The following DISC1 variants were observed in gnomAD, a reference collection of about 807,000 sequenced individuals.
DISC1 encodes DISC1 scaffold protein.
In DISC1, 57 loss-of-function variants were observed where a neutral mutation model predicts 84.5. The observed-to-expected ratio is 0.67, with a 90% CI of 0.55 to 0.84. The LOEUF (loss-of-function observed/expected upper bound fraction) is 0.84, where lower values mean the gene tolerates loss of function less well. DISC1 is among the 40% of genes least tolerant of loss of function. The probability of loss-of-function intolerance (pLI) is 0.00; values close to 1 mark genes in which losing one functional copy is unlikely to be tolerated. For missense variants in DISC1, 1,000 were observed against 1,057.8 expected (o/e 0.95, Z 0.76); for synonymous variants, 411 against 415.2 (o/e 0.99, Z 0.12).
intron 10 of DISC1, among the ~76,000 whole-genome samples, chr1:231,983,598 T>G (rs1572480981): frequency 1.0e-4 from 4 of 38,566 alleles, no homozygotes; most frequent in Non-Finnish European, 2.0e-4. Context: ...GGTGGGGCAG[T>G]AGGGGAGAGG....
At chr1:231,971,236 G>T (rs1370933622) in intron 10 of DISC1, among the ~76,000 whole-genome samples, 1 of 152,136 alleles carries the variant, frequency 6.6e-6, no homozygotes, top group Non-Finnish European at 1.5e-5. Context: ...AACCCCAGTA[G>T]GTAGATAACA....
chr1:231,637,850 A>G (rs1319317781), intron 1 of DISC1, among the ~76,000 whole-genome samples: 1 of 152,228 alleles, frequency 6.6e-6, no homozygotes, highest in African/African-American at 2.4e-5. Flanking sequence ...TCCTTTGGGT[A>G]GATACACAAT....
At chr1:231,749,494 C>T (rs147367795) in intron 3 of DISC1, among the ~76,000 whole-genome samples, 4 of 152,216 alleles carry the variant, frequency 2.6e-5, no homozygotes, top group African/African-American at 9.6e-5. Flanking sequence ...CTGTGACTGG[C>T]TCTATCTGGA....
chr1:232,015,231 C>T (rs1205864409), intron 11 of DISC1, among the ~76,000 whole-genome samples: 1 of 152,124 alleles, frequency 6.6e-6, no homozygotes, highest in Non-Finnish European at 1.5e-5. Context: ...GCTGGCTTCT[C>T]CTTCTTTCGG....
At chr1:231,664,532 T>A (rs1228991896) in intron 1 of DISC1, among the ~76,000 whole-genome samples, 2 of 152,066 alleles carry the variant, frequency 1.3e-5, no homozygotes, top group Non-Finnish European at 2.9e-5. Flanking sequence ...AATCATAGGG[T>A]GCTCATAAAG....
intron 11 of DISC1, among the ~76,000 whole-genome samples, chr1:232,011,566 G>A (rs1016498330): frequency 9.2e-5 from 14 of 152,148 alleles, no homozygotes; most frequent in South Asian, 2.1e-4. Flanking sequence ...AAATTATGGG[G>A]CCAGAAAACA....
intron 10 of DISC1, among the ~76,000 whole-genome samples, chr1:231,986,633 C>T (rs1325998943): frequency 1.3e-5 from 2 of 152,184 alleles, no homozygotes. Flanking sequence ...TGTCTTTCTG[C>T]TGCCTTGAAA....
intron 1 of DISC1, among the ~76,000 whole-genome samples, chr1:231,669,503 A>G (rs1415272224): frequency 1.3e-5 from 2 of 152,188 alleles, no homozygotes; most frequent in African/African-American, 4.8e-5. Flanking sequence ...CAGCATCTAT[A>G]GGGAACTTAA....
intron 10 of DISC1, among the ~76,000 whole-genome samples, chr1:232,003,757 A>T (rs1666998513): frequency 6.6e-6 from 1 of 152,024 alleles, no homozygotes; most frequent in Non-Finnish European, 1.5e-5. Flanking sequence ...TTAGATATTA[A>T]TCTAACAAAA....
chr1:231,686,984 C>T (rs981441409), intron 1 of DISC1, among the ~76,000 whole-genome samples: 2 of 152,196 alleles, frequency 1.3e-5, no homozygotes, highest in African/African-American at 4.8e-5. Flanking sequence ...ACCTTTGCTC[C>T]AGTTCCCAAC....
rs187811196 is a variant in DISC1 at position 231,886,030 on chromosome 1, G to A, written c.1981+67513G>A. Among the ~76,000 whole-genome samples the A allele has an allele frequency of 9.2e-5, 14 of 152,300 alleles. No homozygotes were observed. In the East Asian group the frequency reaches 2.5e-3, roughly 27 times the overall value. On this transcript the variant is annotated intron_variant, in intron 9 of 12. Transcript: ENST00000439617. ...CTTGCTGCATCATGCCATGGCAGAA[G>A]GTGGAAAGGCAGAGAGGGCAAGAGA...
intron 1 of DISC1, among the ~76,000 whole-genome samples, chr1:231,666,728 A>G (rs1374496063): frequency 6.6e-6 from 1 of 152,112 alleles, no homozygotes; most frequent in Non-Finnish European, 1.5e-5. Context: ...AGCTTGAAGG[A>G]TAAAATGAAA....
At chr1:231,946,454 A>C (rs772240267) in intron 9 of DISC1, among the ~76,000 whole-genome samples, 42 of 152,246 alleles carry the variant, frequency 2.8e-4, no homozygotes, top group Admixed American at 2.0e-4. Context: ...TATCGATGGA[A>C]TGTATCTCAA....
intron 11 of DISC1, among the ~76,000 whole-genome samples, chr1:232,022,311 CTT>C (rs764839678): frequency 5.7e-4 from 78 of 135,822 alleles, no homozygotes; most frequent in African/African-American, 1.2e-3. Flanking sequence ...ACCCATGGTT[CTT>C]TTTTTTTTTT....
At chr1:231,779,997 A>G (rs2077280113) in intron 6 of DISC1, among the ~76,000 whole-genome samples, 1 of 152,024 alleles carries the variant, frequency 6.6e-6, no homozygotes, top group Non-Finnish European at 1.5e-5. Context: ...TTAAGAAATA[A>G]AGCTCTCCAT....
At chr1:231,633,387 G>C (rs2058906749) in intron 1 of DISC1, among the ~76,000 whole-genome samples, 1 of 152,176 alleles carries the variant, frequency 6.6e-6, no homozygotes, top group South Asian at 2.1e-4. Flanking sequence ...CTGTCATGAG[G>C]GTTCTGCACT....
chr1:231,636,271 C>G (rs1465791021), intron 1 of DISC1, among the ~76,000 whole-genome samples: 2 of 152,182 alleles, frequency 1.3e-5, no homozygotes, highest in African/African-American at 4.8e-5. Flanking sequence ...ATTTTCTCCT[C>G]TGTAGGGTGG....
At chr1:231,799,659 G>A (rs750128548) in intron 7 of DISC1, among the ~76,000 whole-genome samples, 2 of 151,722 alleles carry the variant, frequency 1.3e-5, no homozygotes, top group African/African-American at 2.4e-5. Flanking sequence ...AGGAGGATTC[G>A]GCAGAGGCCT....
At chr1:231,779,045 A>G (rs2077175809) in intron 6 of DISC1, among the ~76,000 whole-genome samples, 1 of 152,030 alleles carries the variant, frequency 6.6e-6, no homozygotes, top group African/African-American at 2.4e-5. Context: ...ATACCAAATT[A>G]TAAACAAGAC....
Sources: gnomAD v4.1 joint callset for allele counts (sites outside exome capture counted in the v4.1 genomes callset) on GRCh38, gnomAD v4.1.1 for gene constraint, MANE v1.5 for transcripts, NCBI Gene and HGNC (gene_info 2026-07-23, HGNC 2026-07-21) for gene names.